MBNL1: variants seen among roughly 807,000 people sequenced by gnomAD.
MBNL1 encodes muscleblind like splicing regulator 1.
A neutral mutation model predicts 42.2 loss-of-function variants in MBNL1; 8 were observed. That is an observed-to-expected ratio of 0.19 (90% CI 0.11 to 0.34). The LOEUF (loss-of-function observed/expected upper bound fraction) is 0.34. Among genes scored for constraint, MBNL1 ranks in the 10% least tolerant of loss-of-function variants. MBNL1 has a pLI of 1.00. For synonymous variants in MBNL1, 169 were observed against 173.9 expected (o/e 0.97, Z 0.22); for missense variants, 309 against 495.3 (o/e 0.62, Z 3.57).
At chr3:152,336,571 C>G (rs930512679) in intron 2 of MBNL1, among the ~76,000 whole-genome samples, 11 of 152,214 alleles carry the variant, frequency 7.2e-5, no homozygotes, top group Non-Finnish European at 1.5e-4. Flanking sequence ...ATTCCTCATT[C>G]TCTTATAAAA....
In MBNL1 at chr3:152,378,360, T is replaced by C. The variant is rs2097012098; in HGVS notation, c.175-36581T>C. 2.0e-5 allele frequency among the ~76,000 whole-genome samples: 3 copies of C among 152,136 alleles called. No individual in the cohort carries two copies. In the South Asian group the frequency reaches 6.2e-4, roughly 32 times the overall value. On this transcript the variant is annotated intron_variant, in intron 2 of 9. Transcript: ENST00000324210. ...ATTTTTTTTAAAAATTAATGTATGT[T>C]CTAGCTACTCAAGAGAGATATAGTA...
chr3:152,291,632 A>G (rs187394434), intron 1 of MBNL1, among the ~76,000 whole-genome samples: 4 of 152,342 alleles, frequency 2.6e-5, no homozygotes, highest in East Asian at 1.9e-4. Flanking sequence ...ATCTGTTTCT[A>G]TTAATGGAGA....
At chr3:152,261,006 T>G (rs1194284618) in intron 2 of MBNL1, among the ~76,000 whole-genome samples, 1 of 152,182 alleles carries the variant, frequency 6.6e-6, no homozygotes, top group Non-Finnish European at 1.5e-5. Context: ...CCAAATAAAC[T>G]TTACTTGCCA....
chr3:152,316,693 T>A (rs1236732247), intron 2 of MBNL1, among the ~76,000 whole-genome samples: 1 of 152,162 alleles, frequency 6.6e-6, no homozygotes, highest in African/African-American at 2.4e-5. Flanking sequence ...ATTCCTTTAA[T>A]ACTGCTGAGA....
rs762685803 is a variant in MBNL1 at position 152,456,314 on chromosome 3, A to T, written c.1045A>T (p.Thr349Ser). The T allele has an allele frequency of 7.4e-6, 12 of 1,613,900 alleles. No individual in the cohort carries two copies. The Admixed American group carries it at 1.8e-4, about 25-fold the overall frequency. The change falls in exon 8 of 10, where the codon ACA becomes TCA. Residue 349 changes from threonine (T) to serine (S), a missense_variant. Coordinates refer to ENST00000324210, the MANE Select transcript of MBNL1 (RefSeq NM_021038.5). ...GCCAGCCACTGTGTCCGCAGCAACA[A>T]CATCTGCCACAAGTGTTCCCTTCGC... is the stretch of plus-strand genomic sequence containing the variant. ...ATPATVSAATTSATSVPFAAT... is the reference protein window; with the variant it reads ...ATPATVSAATSSATSVPFAAT...
chr3:152,457,966 A>T, intron 8 of MBNL1: 2 of 592,168 alleles, frequency 3.4e-6, no homozygotes, highest in Non-Finnish European at 3.1e-6. Flanking sequence ...ATATACACAC[A>T]TATATTATAT....
chr3:152,350,517 T>A (rs1170461742), intron 2 of MBNL1, among the ~76,000 whole-genome samples: 2 of 152,150 alleles, frequency 1.3e-5, no homozygotes, highest in African/African-American at 4.8e-5. Flanking sequence ...GTTATTCCAC[T>A]GCAGAATAGT....
chr3:152,266,241 C>G (rs1429294135), upstream of MBNL1: 1 of 152,046 alleles, frequency 6.6e-6, no homozygotes, highest in Non-Finnish European at 1.5e-5. Flanking sequence ...CATTTTTTCT[C>G]CTTTTTTATT....
At chr3:152,453,679 T>C (rs1728009936) in intron 6 of MBNL1, among the ~76,000 whole-genome samples, 1 of 152,154 alleles carries the variant, frequency 6.6e-6, no homozygotes, top group Admixed American at 6.5e-5. Context: ...CATTGCTGCC[T>C]TATGTTTATT....
chr3:152,439,270 A>G (rs2099116903), intron 4 of MBNL1, among the ~76,000 whole-genome samples: 2 of 152,218 alleles, frequency 1.3e-5, no homozygotes, highest in African/African-American at 2.4e-5. Flanking sequence ...CAAAAAATAG[A>G]ACGTTTAAAG....
chr3:152,458,095 G>A (rs762923155), intron 8 of MBNL1: 29 of 1,586,516 alleles, frequency 1.8e-5, no homozygotes, highest in Admixed American at 1.3e-4. Flanking sequence ...CATCTGCATC[G>A]ATTGGTGTTG....
At chr3:152,276,407 A>G (rs1039093270) in intron 1 of MBNL1, among the ~76,000 whole-genome samples, 3 of 152,232 alleles carry the variant, frequency 2.0e-5, no homozygotes, top group African/African-American at 7.2e-5. Context: ...AAAGGTACTT[A>G]ATTAATAAGT....
At chr3:152,357,081 A>G (rs1560276491) in intron 2 of MBNL1, among the ~76,000 whole-genome samples, 1 of 152,176 alleles carries the variant, frequency 6.6e-6, no homozygotes, top group Non-Finnish European at 1.5e-5. Context: ...AACAGAGATC[A>G]TGTCATCCTG....
chr3:152,451,981 T>C (rs972996018), intron 6 of MBNL1, among the ~76,000 whole-genome samples: 1 of 152,232 alleles, frequency 6.6e-6, no homozygotes, highest in African/African-American at 2.4e-5. Context: ...ACTTGGTTAG[T>C]CTCTCAATAT....
At chr3:152,245,934 T>G (rs2032876332) in intron 2 of MBNL1, among the ~76,000 whole-genome samples, 1 of 152,110 alleles carries the variant, frequency 6.6e-6, no homozygotes, top group Admixed American at 6.6e-5. Flanking sequence ...TAAACACAAC[T>G]GCTTGTCAGG....
intron 4 of MBNL1, among the ~76,000 whole-genome samples, chr3:152,434,555 G>A (rs1324706277): frequency 2.0e-5 from 3 of 152,138 alleles, no homozygotes; most frequent in Non-Finnish European, 4.4e-5. Flanking sequence ...ATTCCTTTGG[G>A]TATATACCCA....
intron 2 of MBNL1, among the ~76,000 whole-genome samples, chr3:152,342,256 C>G (rs927569320): frequency 6.6e-6 from 1 of 152,090 alleles, no homozygotes; most frequent in African/African-American, 2.4e-5. Context: ...ATTCTGTCTG[C>G]ACCTCCTTCC....
intron 3 of MBNL1, among the ~76,000 whole-genome samples, chr3:152,429,658 T>A (rs1029845608): frequency 1.3e-5 from 2 of 152,184 alleles, no homozygotes; most frequent in African/African-American, 4.8e-5. Context: ...TAATCTGATT[T>A]CTCTGATTAG....
chr3:152,376,845 C>G (rs948701778), intron 2 of MBNL1, among the ~76,000 whole-genome samples: 1 of 152,128 alleles, frequency 6.6e-6, no homozygotes, highest in African/African-American at 2.4e-5. Flanking sequence ...TATATCTCTT[C>G]TTGGGGAAAA....
Sources: gnomAD v4.1 joint callset for allele counts (sites outside exome capture counted in the v4.1 genomes callset) on GRCh38, gnomAD v4.1.1 for gene constraint, MANE v1.5 for transcripts, NCBI Gene and HGNC (gene_info 2026-07-23, HGNC 2026-07-21) for gene names.